Variants in PCDHAC2 observed in about 807,000 individuals in gnomAD.
PCDHAC2 encodes the protein protocadherin alpha-C2.
Under a neutral mutation model 63.3 loss-of-function variants are expected in PCDHAC2, and 24 were observed. The ratio of observed to expected loss-of-function variants is 0.38; its 90% CI spans 0.27 to 0.53. The LOEUF (loss-of-function observed/expected upper bound fraction) is 0.53. Ranked by LOEUF, PCDHAC2 falls within the 20% of genes least tolerant of loss-of-function variation. The probability of loss-of-function intolerance (pLI) is 0.81; values close to 1 mark genes in which losing one functional copy is unlikely to be tolerated. For missense variants in PCDHAC2, 1,181 were observed against 1,275.2 expected, an observed-to-expected ratio of 0.93 and a Z score of 1.12; for synonymous variants, 569 against 529.4, an observed-to-expected ratio of 1.07 and a Z score of -1.03.
intron 3 of PCDHAC2, among the ~76,000 whole-genome samples, chr5:140,996,703 C>G (rs2097740523): frequency 6.6e-6 from 1 of 152,132 alleles, no homozygotes; most frequent in African/African-American, 2.4e-5. Context: ...GAACCTCTAT[C>G]TCTTTGATTT....
chr5:141,000,173 C>T (rs2097895007), intron 3 of PCDHAC2, among the ~76,000 whole-genome samples: 1 of 151,968 alleles, frequency 6.6e-6, no homozygotes, highest in Non-Finnish European at 1.5e-5. Flanking sequence ...ATTATTGAGC[C>T]AAGGAGTCAA....
In PCDHAC2 at chr5:141,005,428, G is replaced by T. The variant is rs907211430; in HGVS notation, c.2714-4199G>T. On this transcript the variant is annotated intron_variant, in intron 3 of 3. Transcript: ENST00000289269. ...AGAGTGAGGAGTCATGCTAAGAATG[G>T]ATGAGAGGCTCACGCCTGTAATCCC... Among the ~76,000 whole-genome samples, 21 of 152,154 alleles carry T rather than the reference G, an allele frequency of 1.4e-4. 1 individual carries two copies. The highest frequency in any genetic ancestry group is 1.2e-3 in the Admixed American group (19 of 15,266).
intron 3 of PCDHAC2, among the ~76,000 whole-genome samples, chr5:140,998,786 A>G (rs1210415944): frequency 1.3e-5 from 2 of 152,026 alleles, no homozygotes; most frequent in African/African-American, 4.8e-5. Flanking sequence ...CTGGTCTGGA[A>G]CCCCTGACCT....
rs149166530 is a variant in PCDHAC2, at chr5:140,990,443, A to G, written c.2713+7880A>G. Among the ~76,000 whole-genome samples the G allele has an allele frequency of 8.3e-4, 127 of 152,344 alleles. 2 individuals carry two copies. The East Asian group carries it at 0.024, about 29-fold the overall frequency. On this transcript the variant is annotated intron_variant, in intron 3 of 3. Transcript: ENST00000289269. ...CCAGCATTGACCCAATCTTGTGTCC[A>G]GAGCTGTTGCTGTAGGTGGTATCAT...
At chr5:140,999,138 C>T (rs530740266) in intron 3 of PCDHAC2, among the ~76,000 whole-genome samples, 1 of 152,140 alleles carries the variant, frequency 6.6e-6, no homozygotes, top group Non-Finnish European at 1.5e-5. Flanking sequence ...AATGTCACAG[C>T]CGGAAGTCTT....
chr5:140,969,491 C>T (rs2096337176), intron 1 of PCDHAC2, 160 bp downstream of exon 1: 8 of 1,449,294 alleles, frequency 5.5e-6, no homozygotes, highest in Non-Finnish European at 7.3e-6. Context: ...CTGCTATTTC[C>T]TCTCTAGAAA....
At chr5:141,000,080 G>C (rs1554257118) in intron 3 of PCDHAC2, among the ~76,000 whole-genome samples, 1 of 152,068 alleles carries the variant, frequency 6.6e-6, no homozygotes, top group Non-Finnish European at 1.5e-5. Flanking sequence ...ACAATGCTAG[G>C]CCTGTGAATG....
intron 3 of PCDHAC2, among the ~76,000 whole-genome samples, chr5:141,007,395 CA>C (rs35800918): frequency 0.59 from 55,851 of 95,076 alleles, 14,598 homozygotes; most frequent in African/African-American, 0.74. Context: ...TACTAAAATA[CA>C]AAAAAAAAAA....
chr5:141,000,839 C>G (rs1194048512), intron 3 of PCDHAC2, among the ~76,000 whole-genome samples: 1 of 151,970 alleles, frequency 6.6e-6, no homozygotes, highest in Admixed American at 6.6e-5. Flanking sequence ...TCCAGGAGAT[C>G]CAGTCTGGCA....
At chr5:140,998,199 C>A (rs1472137266) in intron 3 of PCDHAC2, among the ~76,000 whole-genome samples, 2 of 152,172 alleles carry the variant, frequency 1.3e-5, no homozygotes, top group Non-Finnish European at 2.9e-5. Flanking sequence ...GTATTAACTC[C>A]TTTAATCTGT....
At chr5:140,989,601 A>C (rs553140269) in intron 3 of PCDHAC2, among the ~76,000 whole-genome samples, 14 of 152,318 alleles carry the variant, frequency 9.2e-5, no homozygotes, top group African/African-American at 3.4e-4. Flanking sequence ...ACACAAGTAA[A>C]CTAAAAATGA....
At chr5:140,980,152 C>T (rs1554241475) in intron 2 of PCDHAC2, among the ~76,000 whole-genome samples, 1 of 152,040 alleles carries the variant, frequency 6.6e-6, no homozygotes, top group Admixed American at 6.6e-5. Flanking sequence ...CATGCATATA[C>T]CAGAATATTA....
At position 141,009,759 on chromosome 5, in the gene PCDHAC2, G is replaced by T. The variant is rs200822345; in HGVS notation, c.2846G>T (p.Gly949Val). The change falls in exon 4 of 4, where the codon GGA becomes GTA. Residue 949 changes from glycine to valine, a missense_variant. By Grantham distance (109) the Gly-to-Val change is moderately radical. Around this residue, in one of 3 missense-constraint regions of PCDHAC2, gnomAD observed 968 missense variants for 1,073.5 expected, o/e 0.90. Transcript: ENST00000289269. ...GELPDKFIIP[G>V]SPAIISIRQE... ...TTGCCCGACAAATTCATTATCCCAG[G>T]ATCTCCTGCAATCATCTCCATCCGG... The T allele has an allele frequency of 6.7e-5, 108 of 1,614,082 alleles. 1 individual carries two copies. The East Asian group carries it at 2.2e-3, about 33-fold the overall frequency.
rs1158599127 is a variant in PCDHAC2, at chr5:140,967,387, T to A, written c.621T>A (p.Leu207=). 2.5e-6 allele frequency: 4 copies of A among 1,609,114 alleles called. No homozygotes were observed. Among genetic ancestry groups the A allele is most frequent in the Non-Finnish European group, 3.4e-6 (4 of 1,176,424 alleles). The change falls in exon 1 of 4, where the codon CTT becomes CTA. Residue 207 remains leucine, a synonymous_variant. Transcript: ENST00000289269. The part of the protein sequence containing the change: ...LKPLQENSKV[L]ELVLRKGLDR... ...CCCTGCAGGAGAACAGTAAAGTGCT[T>A]GAGCTGGTGCTGCGTAAGGGCCTAG...
chr5:141,009,791 CCTA>C lies in PCDHAC2; in HGVS notation c.2882_2884del (p.Thr961del), dbSNP rs2098414479. 1.2e-6 allele frequency: 2 copies of C among 1,613,966 alleles called. No homozygotes were observed. Among genetic ancestry groups the C allele is most frequent in the African/African-American group, 2.7e-5 (2 of 74,882 alleles). On this transcript the variant is annotated inframe_deletion, in exon 4 of 4. Coordinates refer to ENST00000289269, the MANE Select transcript of PCDHAC2 (RefSeq NM_018899.6). ...TGCAATCATCTCCATCCGGCAGGAGCCTACTAACAGCCAAATTGACAAAAGTGA... is the reference window on the plus strand; with the variant it reads ...TGCAATCATCTCCATCCGGCAGGAGCCTAACAGCCAAATTGACAAAAGTGA...
intron 3 of PCDHAC2, among the ~76,000 whole-genome samples, chr5:140,996,661 G>A (rs1554255301): frequency 6.6e-6 from 1 of 152,194 alleles, no homozygotes; most frequent in Admixed American, 6.5e-5. Context: ...GTGCAGGCTA[G>A]TTTTTGAACC....
Position 140,968,978 on chromosome 5 carries a change from G to T in PCDHAC2, c.2212G>T (p.Gly738Cys), listed in dbSNP as rs782147151. ...IIKCYRYTAY[G>C]TACCGGFCGV... ...CAAGTGCTACCGCTACACTGCGTATGGCACTGCATGCTGTGGAGGCTTCTG... is the reference window on the plus strand; with the variant it reads ...CAAGTGCTACCGCTACACTGCGTATTGCACTGCATGCTGTGGAGGCTTCTG... Residue 738 changes from glycine (G) to cysteine (C), a missense_variant, in exon 1 of 4, where the codon GGC becomes TGC. Gly to Cys is a radical substitution (Grantham distance 159, BLOSUM62 -3). This residue lies in a region of PCDHAC2 where 968 missense variants were observed against 1,073.5 expected (regional missense o/e 0.90). Coordinates refer to ENST00000289269, the MANE Select transcript of PCDHAC2 (RefSeq NM_018899.6). The T allele has an allele frequency of 8.7e-6, 14 of 1,614,212 alleles. No homozygotes were observed. Among genetic ancestry groups the T allele is most frequent in the Non-Finnish European group, 1.2e-5 (14 of 1,180,042 alleles).
intron 3 of PCDHAC2, 34 bp from the exon 4 acceptor site, chr5:141,009,593 C>T (rs1219056557): frequency 6.2e-7 from 1 of 1,601,902 alleles, no homozygotes; most frequent in Non-Finnish European, 8.5e-7. Context: ...CATGTGTTGA[C>T]CCTGTTAATG....
In PCDHAC2 at chr5:140,967,682, C is replaced by G; in HGVS notation, c.916C>G (p.Gln306Glu). The change falls in exon 1 of 4, where the codon CAG becomes GAG. Residue 306 changes from glutamine (Q) to glutamate (E), a missense_variant. Coordinates refer to ENST00000289269, the MANE Select transcript of PCDHAC2 (RefSeq NM_018899.6). ...LSSYTSDRER[Q>E]LFSIDASTGE... ...CAGCTACACGTCGGACCGGGAGAGG[C>G]AGCTCTTCAGCATAGATGCCAGTAC... 1.2e-6 allele frequency: 2 copies of G among 1,614,176 alleles called. No individual in the cohort carries two copies. Among genetic ancestry groups the G allele is most frequent in the South Asian group, 2.2e-5 (2 of 91,082 alleles).
Sources: allele counts gnomAD v4.1 joint callset (sites outside exome capture counted in the v4.1 genomes callset), GRCh38; gene constraint gnomAD v4.1.1; regional missense constraint gnomAD v4.1.1; transcripts MANE v1.5; gene names NCBI Gene and HGNC (gene_info 2026-07-23, HGNC 2026-07-21).